APBA2: variants seen among roughly 807,000 people sequenced by gnomAD.
APBA2 encodes amyloid-beta A4 precursor protein-binding family A member 2.
APBA2 carries 30 observed loss-of-function variants against 75.0 expected under a neutral mutation model. The ratio of observed to expected loss-of-function variants is 0.40; its 90% CI spans 0.30 to 0.54. APBA2 has a LOEUF of 0.54. Among genes scored for constraint, APBA2 ranks in the 20% least tolerant of loss-of-function variants. The pLI is 0.49. For synonymous variants in APBA2, 444 were observed against 409.6 expected (o/e 1.08, Z -1.01); for missense variants, 801 against 1,016.1 (o/e 0.79, Z 2.88).
At chr15:29,038,480 C>G (rs1049107024) in intron 3 of APBA2, among the ~76,000 whole-genome samples, 2 of 152,054 alleles carry the variant, frequency 1.3e-5, no homozygotes, top group Admixed American at 6.5e-5. Context: ...CAGTGCTGAA[C>G]CAAATCAGCA....
In APBA2 at chr15:29,016,176, G is replaced by C. The variant is rs532061036; in HGVS notation, c.-41+20370G>C. ...GGAGGCTGAGACAGGAGAATCACAT[G>C]AACCAGGGAGTCGAAGGTTGCAGTG... On this transcript the variant is annotated intron_variant, in intron 3 of 14. Coordinates refer to ENST00000683413, the MANE Select transcript of APBA2 (RefSeq NM_001353788.2). 5.3e-5 allele frequency among the ~76,000 whole-genome samples: 8 copies of C among 152,314 alleles called. No homozygotes were observed. In the South Asian group the frequency reaches 1.7e-3, roughly 32 times the overall value.
At chr15:28,905,057 C>T (rs1311026302) in intron 1 of APBA2, among the ~76,000 whole-genome samples, 6 of 152,202 alleles carry the variant, frequency 3.9e-5, no homozygotes, top group African/African-American at 1.4e-4. Context: ...AAACCAAGCC[C>T]TCCCCCAGTT....
intron 4 of APBA2, among the ~76,000 whole-genome samples, chr15:29,056,759 A>T (rs2041920177): frequency 6.6e-6 from 1 of 151,162 alleles, no homozygotes; most frequent in African/African-American, 2.4e-5. Context: ...CCCTGGTGCC[A>T]GGGGCCCTGA....
chr15:29,013,312 C>T (rs900469447), intron 3 of APBA2, among the ~76,000 whole-genome samples: 3 of 120,514 alleles, frequency 2.5e-5, no homozygotes, highest in Non-Finnish European at 4.8e-5. Context: ...CAGAGTCTTG[C>T]TCTTTCGCCC....
rs183434854 is a variant in APBA2, at chr15:28,933,706, G to A, written c.-95+11957G>A. 1.7e-3 allele frequency among the ~76,000 whole-genome samples: 260 copies of A among 152,342 alleles called. 1 individual carries two copies. The highest frequency in any genetic ancestry group is 5.9e-3 in the African/African-American group (245 of 41,588). On this transcript the variant is annotated intron_variant, in intron 2 of 14. Transcript: ENST00000683413. ...TGGTCCAAAGTCAGGGCCTGCTGGA[G>A]CCCGACAGGTTGCGTGCTTGGCCTG...
At chr15:28,977,420 C>T (rs1054704294) in intron 2 of APBA2, 2 of 152,192 alleles carry the variant, frequency 1.3e-5, no homozygotes, top group Admixed American at 6.5e-5. Flanking sequence ...CAGAACCCCA[C>T]CCCCAAGATT....
intron 12 of APBA2, among the ~76,000 whole-genome samples, chr15:29,107,735 A>C (rs898733073): frequency 6.6e-6 from 1 of 151,372 alleles, no homozygotes; most frequent in Non-Finnish European, 1.5e-5. Flanking sequence ...GTGCCTCCTC[A>C]CCCCCACCGG....
chr15:28,969,128 T>TTTTC (rs138940957), intron 2 of APBA2, among the ~76,000 whole-genome samples: 17,417 of 136,630 alleles, frequency 0.13, 1,545 homozygotes, highest in Middle Eastern at 0.21. Context: ...TTTCATTTCT[T>TTTTC]TTTCTTTCTT....
chr15:28,927,168 C>T (rs1033220220), intron 2 of APBA2, among the ~76,000 whole-genome samples: 1 of 151,878 alleles, frequency 6.6e-6, no homozygotes, highest in Non-Finnish European at 1.5e-5. Flanking sequence ...TATCCACCCT[C>T]TTCTTCCTTT....
chr15:29,020,491 A>G (rs947130486), intron 3 of APBA2, among the ~76,000 whole-genome samples: 10 of 151,854 alleles, frequency 6.6e-5, no homozygotes, highest in African/African-American at 1.7e-4. Flanking sequence ...TTTTCCAGTG[A>G]CTTTTTTAAA....
At position 28,947,184 on chromosome 15, in the gene APBA2, C is replaced by T. The variant is rs1363006953; in HGVS notation, c.-95+25435C>T. Among the ~76,000 whole-genome samples the T allele has an allele frequency of 2.0e-5, 3 of 152,186 alleles. No individual in the cohort carries two copies. The South Asian group carries it at 6.2e-4, about 32-fold the overall frequency. Reference sequence around the variant, plus strand: ...GGAGGTGAAGGTTCTGCCTGCTGCTCTTCTGGAATGATAAACGCTGGGCCC... The same window carrying T: ...GGAGGTGAAGGTTCTGCCTGCTGCTTTTCTGGAATGATAAACGCTGGGCCC... On this transcript the variant is annotated intron_variant, in intron 2 of 14. Transcript: ENST00000683413.
chr15:29,057,299 C>G (rs2041942885), intron 4 of APBA2, among the ~76,000 whole-genome samples: 1 of 152,234 alleles, frequency 6.6e-6, no homozygotes, highest in African/African-American at 2.4e-5. Flanking sequence ...CACATTCCAG[C>G]TGTGATGCTG....
intron 4 of APBA2, among the ~76,000 whole-genome samples, chr15:29,070,286 C>T (rs1175315091): frequency 6.6e-6 from 1 of 152,164 alleles, no homozygotes; most frequent in African/African-American, 2.4e-5. Context: ...AGTTGTATTT[C>T]AGGTAGATAG....
intron 6 of APBA2, among the ~76,000 whole-genome samples, chr15:29,078,443 T>C (rs895309254): frequency 6.6e-6 from 1 of 151,426 alleles, no homozygotes; most frequent in African/African-American, 2.4e-5. Flanking sequence ...AAACCCTGTC[T>C]CTACTAAAAA....
At chr15:28,945,510 C>G (rs540787449) in intron 2 of APBA2, among the ~76,000 whole-genome samples, 1 of 145,236 alleles carries the variant, frequency 6.9e-6, no homozygotes, top group African/African-American at 2.8e-5. Flanking sequence ...AATCAGGATC[C>G]CCGCTCATTG....
At chr15:29,057,485 T>C (rs1421294249) in intron 4 of APBA2, among the ~76,000 whole-genome samples, 1 of 152,228 alleles carries the variant, frequency 6.6e-6, no homozygotes, top group African/African-American at 2.4e-5. Flanking sequence ...AAATGTATTC[T>C]CCATGGTCCC....
chr15:28,940,569 A>G (rs76199612), intron 2 of APBA2, among the ~76,000 whole-genome samples: 16,208 of 150,674 alleles, frequency 0.11, 1,785 homozygotes, highest in East Asian at 0.32. Flanking sequence ...AAAGAAAAAA[A>G]AAAAAGAAAA....
intron 4 of APBA2, among the ~76,000 whole-genome samples, chr15:29,060,275 A>G (rs1398889984): frequency 1.3e-5 from 2 of 152,198 alleles, no homozygotes; most frequent in Non-Finnish European, 2.9e-5. Context: ...ATATGATCGC[A>G]GTAAATCCTA....
intron 2 of APBA2, among the ~76,000 whole-genome samples, chr15:28,955,069 A>C (rs922738821): frequency 6.6e-6 from 1 of 152,154 alleles, no homozygotes; most frequent in African/African-American, 2.4e-5. Context: ...CGCTGTGCGC[A>C]TCTGTATTTG....
Sources: allele counts gnomAD v4.1 joint callset (sites outside exome capture counted in the v4.1 genomes callset), GRCh38; gene constraint gnomAD v4.1.1; transcripts MANE v1.5; gene names NCBI Gene and HGNC (gene_info 2026-07-23, HGNC 2026-07-21).